Variants in CDKL4 observed in about 807,000 individuals in gnomAD.
The protein encoded by CDKL4 is cyclin dependent kinase like 4, also known as cyclin-dependent kinase-like 4.
In CDKL4, 44 loss-of-function variants were observed where a neutral mutation model predicts 42.0. The ratio of observed to expected loss-of-function variants is 1.05; its 90% confidence interval spans 0.82 to 1.35. The LOEUF is 1.35. Ranked by LOEUF, CDKL4 falls within the 40% of genes most tolerant of loss-of-function variation. CDKL4 has a pLI of 0.00. For synonymous variants in CDKL4, 120 were observed against 121.6 expected, an observed-to-expected ratio of 0.99 and a Z score of 0.09; for missense variants, 393 against 369.9, an observed-to-expected ratio of 1.06 and a Z score of -0.51.
At chr2:39,228,833 T>C (rs954680696) in intron 2 of CDKL4, among the ~76,000 whole-genome samples, 2 of 152,188 alleles carry the variant, frequency 1.3e-5, no homozygotes, top group Non-Finnish European at 1.5e-5. Context: ...AACTTAGGAA[T>C]CTTACATGTC....
intron 4 of CDKL4, among the ~76,000 whole-genome samples, chr2:39,209,963 C>A (rs1362876737): frequency 6.6e-6 from 1 of 151,976 alleles, no homozygotes. Flanking sequence ...AAGTAATTTC[C>A]ATCTTGGAGG....
At chr2:39,190,660 C>G (rs1375673223) in intron 5 of CDKL4, among the ~76,000 whole-genome samples, 158 bp from the exon 6 acceptor site, 1 of 152,188 alleles carries the variant, frequency 6.6e-6, no homozygotes, top group Non-Finnish European at 1.5e-5. Flanking sequence ...AGTTACTGTG[C>G]ATTGAGATAG....
At chr2:39,176,444 C>T (rs116520752) in intron 9 of CDKL4, among the ~76,000 whole-genome samples, 3,690 of 152,144 alleles carry the variant, frequency 0.024, 55 homozygotes, top group Middle Eastern at 0.027. Context: ...TTTGTTTTTT[C>T]GACACCATTT....
At chr2:39,179,357 G>A in intron 8 of CDKL4, 36 bp from the exon 9 acceptor site, 1 of 1,512,442 alleles carries the variant, frequency 6.6e-7, no homozygotes, top group Non-Finnish European at 8.9e-7. Flanking sequence ...AGATGTTAAG[G>A]GAGGGGCTCA....
chr2:39,190,108 G>C (rs1350902264), intron 6 of CDKL4, among the ~76,000 whole-genome samples, 197 bp downstream of exon 6: 2 of 152,216 alleles, frequency 1.3e-5, no homozygotes, highest in African/African-American at 4.8e-5. Context: ...CTCCCTGAGA[G>C]GAGTTACGGT....
rs1558586495 is a variant in CDKL4 at position 39,234,097 on chromosome 2, T to A, written c.-56-4509A>T. Among the ~76,000 whole-genome samples, 3 of 151,510 alleles carry A rather than the reference T, an allele frequency of 2.0e-5. No homozygotes were observed. In the South Asian group the frequency reaches 6.2e-4, roughly 31 times the overall value. On this transcript the variant is annotated intron_variant, in intron 1 of 9. Transcript: ENST00000451199. The stretch of plus-strand genomic sequence containing the variant: ...CCCGGCTAATTTTTGTATTTTTTAG[T>A]ACAGGTGGGGTTTCACTGTGTTAGC...
intron 3 of CDKL4, among the ~76,000 whole-genome samples, 174 bp from the exon 4 acceptor site, chr2:39,213,646 T>G (rs1288939733): frequency 6.6e-6 from 1 of 152,162 alleles, no homozygotes; most frequent in East Asian, 1.9e-4. Flanking sequence ...TTATTATGGT[T>G]ATGTAATTTC....
At chr2:39,190,896 A>G (rs2148303998) in intron 5 of CDKL4, among the ~76,000 whole-genome samples, 1 of 152,248 alleles carries the variant, frequency 6.6e-6, no homozygotes, top group South Asian at 2.1e-4. Context: ...GCTACCTGTG[A>G]ATGTGATCTT....
chr2:39,231,910 CTG>C (rs1679109764), intron 1 of CDKL4, among the ~76,000 whole-genome samples: 1 of 152,126 alleles, frequency 6.6e-6, no homozygotes, highest in Non-Finnish European at 1.5e-5. Flanking sequence ...GAGTGAGACC[CTG>C]TCTCTAAAAT....
At chr2:39,215,868 G>A (rs558959881) in intron 3 of CDKL4, among the ~76,000 whole-genome samples, 20 of 152,262 alleles carry the variant, frequency 1.3e-4, no homozygotes, top group African/African-American at 4.8e-4. Context: ...TATTAATATT[G>A]CAAATGTACC....
intron 6 of CDKL4, among the ~76,000 whole-genome samples, chr2:39,187,929 G>A (rs377746715): frequency 2.6e-5 from 4 of 151,684 alleles, no homozygotes; most frequent in South Asian, 4.2e-4. Flanking sequence ...TTAGCCAAGC[G>A]TGGTGGTCCA....
intron 1 of CDKL4, among the ~76,000 whole-genome samples, chr2:39,233,912 CTTT>C (rs35337082): frequency 0.018 from 1,643 of 90,618 alleles, 14 homozygotes; most frequent in African/African-American, 0.061. Flanking sequence ...TTTATTTTTA[CTTT>C]TTTTTTTTTT....
intron 3 of CDKL4, 70 bp downstream of exon 3, chr2:39,225,769 C>T (rs538642009): frequency 2.4e-4 from 348 of 1,451,746 alleles, no homozygotes; most frequent in Admixed American, 6.4e-4. Flanking sequence ...TTGAAATTTG[C>T]CATGGTTAAT....
At chr2:39,173,553 T>C (rs1462414074), downstream of CDKL4, among the ~76,000 whole-genome samples, 1 of 152,040 alleles carries the variant, frequency 6.6e-6, no homozygotes, top group Non-Finnish European at 1.5e-5. Flanking sequence ...CTCACGCCTG[T>C]AATCCCAGCA....
rs745760496 is a variant in CDKL4 at position 39,225,963 on chromosome 2, G to A, written c.169-3C>T. 2 of 1,606,692 alleles carry A rather than the reference G, an allele frequency of 1.2e-6. No homozygotes were observed. Among genetic ancestry groups the A allele is most frequent in the East Asian group, 2.3e-5 (1 of 44,222 alleles). On this transcript the variant is annotated splice_region_variant and splice_polypyrimidine_tract_variant and intron_variant, in intron 2 of 9. Transcript: ENST00000451199. ...ACAAGATTTGGATGTTTTAATTGCT[G>A]TGAAAGAATTGAAATGCAAAGTTAA...
intron 7 of CDKL4, among the ~76,000 whole-genome samples, chr2:39,185,559 T>A (rs769747929): frequency 6.7e-6 from 1 of 148,344 alleles, no homozygotes; most frequent in South Asian, 2.1e-4. Flanking sequence ...GCCTCCCGGG[T>A]TGATGCCATT....
At chr2:39,222,895 T>G (rs58351262) in intron 3 of CDKL4, among the ~76,000 whole-genome samples, 2,022 of 152,290 alleles carry the variant, frequency 0.013, 30 homozygotes, top group African/African-American at 0.046. Context: ...TAAGTCAACA[T>G]ACAACATCCT....
chr2:39,198,874 T>TCAAAAAGTCTGAAAGAGCA (rs1676679132), intron 5 of CDKL4, among the ~76,000 whole-genome samples: 1 of 151,744 alleles, frequency 6.6e-6, no homozygotes, highest in Admixed American at 6.6e-5. Flanking sequence ...AATGCCTACA[T>TCAAAAAGTCTGAAAGAGCA]CAAAAAGTCT....
exon 5 of CDKL4, chr2:39,204,601 A>G: frequency 6.4e-7 from 1 of 1,566,344 alleles, no homozygotes; most frequent in Non-Finnish European, 8.8e-7. Context: ...TTCAGGTTTT[A>G]TATCTCTGTG....
Sources: allele counts gnomAD v4.1 joint callset (sites outside exome capture counted in the v4.1 genomes callset), GRCh38; gene constraint gnomAD v4.1.1; transcripts MANE v1.5; gene names NCBI Gene and HGNC (gene_info 2026-07-23, HGNC 2026-07-21).